Variants in SOBP observed in about 807,000 individuals in gnomAD.
SOBP encodes the protein sine oculis binding protein homolog, also known as sine oculis-binding protein homolog.
In SOBP, 4 loss-of-function variants were observed where a neutral mutation model predicts 53.6. The ratio of observed to expected loss-of-function variants is 0.07; its 90% CI spans 0.04 to 0.17. The LOEUF (loss-of-function observed/expected upper bound fraction) is 0.17. Among genes scored for constraint, SOBP ranks in the 10% least tolerant of loss-of-function variants. SOBP has a pLI of 1.00. For missense variants in SOBP, 1,088 were observed against 1,204.7 expected, an observed-to-expected ratio of 0.90 and a Z score of 1.43; for synonymous variants, 584 against 522.6, an observed-to-expected ratio of 1.12 and a Z score of -1.60.
chr6:107,545,443 G>A (rs1252064458), intron 4 of SOBP, among the ~76,000 whole-genome samples: 1 of 152,158 alleles, frequency 6.6e-6, no homozygotes, highest in Non-Finnish European at 1.5e-5. Context: ...TTCTTGTGGT[G>A]CAATGGTGTG....
At chr6:107,551,119 G>A (rs554873746) in intron 4 of SOBP, among the ~76,000 whole-genome samples, 13 of 152,216 alleles carry the variant, frequency 8.5e-5, no homozygotes, top group African/African-American at 2.9e-4. Flanking sequence ...CTCCTCCTAC[G>A]GCCGAGAAAA....
At chr6:107,574,918 G>C (rs1220542042) in intron 4 of SOBP, among the ~76,000 whole-genome samples, 2 of 152,196 alleles carry the variant, frequency 1.3e-5, no homozygotes, top group Admixed American at 6.5e-5. Flanking sequence ...ACCAGAGGGC[G>C]AGTTACCTCT....
At chr6:107,495,133 C>T (rs920112992) in intron 1 of SOBP, among the ~76,000 whole-genome samples, 4 of 152,354 alleles carry the variant, frequency 2.6e-5, no homozygotes, top group Middle Eastern at 3.4e-3. Flanking sequence ...CCCACTGTGG[C>T]ATTCACAAAT....
intron 3 of SOBP, 113 bp downstream of exon 3, chr6:107,506,540 C>A: frequency 8.5e-7 from 1 of 1,178,180 alleles, no homozygotes; most frequent in African/African-American, 1.5e-5. Context: ...GTTTTAGGGA[C>A]CTTATAGGTA....
At chr6:107,624,774 T>C (rs1195763226) in intron 5 of SOBP, among the ~76,000 whole-genome samples, 3 of 152,212 alleles carry the variant, frequency 2.0e-5, no homozygotes, top group Non-Finnish European at 4.4e-5. Context: ...ACCTGGAAGA[T>C]GACCTATGTG....
intron 1 of SOBP, among the ~76,000 whole-genome samples, chr6:107,499,421 C>G (rs1377942544): frequency 6.6e-6 from 1 of 152,118 alleles, no homozygotes; most frequent in Non-Finnish European, 1.5e-5. Context: ...TGCTATAAGA[C>G]TATTAGACAT....
chr6:107,576,514 C>G (rs1457867498), intron 4 of SOBP, among the ~76,000 whole-genome samples: 1 of 152,170 alleles, frequency 6.6e-6, no homozygotes, highest in Non-Finnish European at 1.5e-5. Context: ...GAATAAAGAC[C>G]TGAGTGGCAG....
intron 4 of SOBP, among the ~76,000 whole-genome samples, chr6:107,566,070 G>A (rs1032438996): frequency 2.0e-5 from 3 of 152,226 alleles, no homozygotes; most frequent in Non-Finnish European, 2.9e-5. Context: ...AAGGGTGAAA[G>A]GCTATGAACT....
chr6:107,635,024 C>T lies in SOBP; in HGVS notation c.2180C>T (p.Thr727Met), dbSNP rs1770955505. The change falls in exon 6 of 7, where the codon ACG (threonine) becomes ATG (methionine). Residue 727 changes from threonine (T) to methionine (M), a missense_variant. Physicochemically the swap from Thr to Met is moderately conservative, Grantham distance 81. This residue lies in a region of SOBP where 665 missense variants were observed against 629.7 expected (regional missense o/e 1.06). Transcript: ENST00000317357. This position sits in a 1 kb window ranked among gnomAD's most constrained non-coding sequence, Gnocchi z 4.5. ...AAACNVIVNG[T>M]RGAAAEGAKS... is the part of the protein sequence containing the mutation. ...GCCTGCAACGTCATCGTGAACGGCA[C>T]GCGCGGCGCCGCCGCCGAGGGCGCT... 3.9e-5 allele frequency: 48 copies of T among 1,221,038 alleles called. No homozygotes were observed. The highest frequency in any genetic ancestry group is 4.9e-5 in the Non-Finnish European group (48 of 980,234). The allele number at this position is 1,221,038 out of a possible 1,614,324, so 75.6% of individuals were successfully genotyped here.
At chr6:107,509,860 G>T (rs2281592) in intron 3 of SOBP, 62,496 of 152,050 alleles carry the variant, frequency 0.41, 16,138 homozygotes, top group Middle Eastern at 0.66. Flanking sequence ...ATTCCAGGGC[G>T]CTCATCTGTT....
intron 6 of SOBP, among the ~76,000 whole-genome samples, chr6:107,637,486 G>A (rs1771097966): frequency 6.6e-6 from 1 of 152,218 alleles, no homozygotes; most frequent in Admixed American, 6.5e-5. Flanking sequence ...GAAGACAGAT[G>A]GCCTCAGCCT....
chr6:107,573,560 T>G (rs970656805), intron 4 of SOBP, among the ~76,000 whole-genome samples: 1 of 152,192 alleles, frequency 6.6e-6, no homozygotes, highest in African/African-American at 2.4e-5. Context: ...CTTTTCTCCA[T>G]CAGTGGTGGC....
At chr6:107,533,662 C>A in intron 4 of SOBP, 52 bp downstream of exon 4, 1 of 1,608,702 alleles carries the variant, frequency 6.2e-7, no homozygotes, top group African/African-American at 1.3e-5. Context: ...CCAGCCCACA[C>A]GCGCATGTGC....
Position 107,634,616 on chromosome 6 carries a change from C to T in SOBP, c.1772C>T (p.Ser591Leu), listed in dbSNP as rs1256370413. 6.3e-7 allele frequency: 1 copy of T among 1,594,272 alleles called. No individual in the cohort carries two copies. The highest frequency in any genetic ancestry group is 1.7e-5 in the Admixed American group (1 of 59,486). ...SLSPRDSKQG[S>L]SKSADSPPGC... ...TCCCCCCGGGACTCCAAGCAGGGCT[C>T]GTCCAAGTCCGCGGACTCGCCCCCC... The change falls in exon 6 of 7, where the codon TCG (serine) becomes TTG (leucine). Residue 591 changes from serine to leucine, a missense_variant. Around this residue, in one of 6 missense-constraint regions of SOBP, gnomAD observed 665 missense variants for 629.7 expected, o/e 1.06. Coordinates refer to ENST00000317357, the MANE Select transcript of SOBP (RefSeq NM_018013.4). This position sits in a 1 kb window ranked among gnomAD's most constrained non-coding sequence, Gnocchi z 4.5.
intron 6 of SOBP, among the ~76,000 whole-genome samples, chr6:107,654,476 G>A (rs1206106276): frequency 6.6e-6 from 1 of 152,178 alleles, no homozygotes; most frequent in Non-Finnish European, 1.5e-5. Context: ...CTGAGAGAAG[G>A]AGACTTTCTG....
chr6:107,594,888 A>T (rs1484687785), intron 5 of SOBP, among the ~76,000 whole-genome samples: 1 of 152,222 alleles, frequency 6.6e-6, no homozygotes, highest in Non-Finnish European at 1.5e-5. Context: ...GCAGGCACAG[A>T]GCTAGAGCTT....
intron 4 of SOBP, among the ~76,000 whole-genome samples, chr6:107,537,010 A>G (rs1784019303): frequency 6.6e-6 from 1 of 152,188 alleles, no homozygotes; most frequent in African/African-American, 2.4e-5. Context: ...TTTTCAGGGA[A>G]CTAATAGCTC....
chr6:107,581,893 C>T lies in SOBP; in HGVS notation c.574-5187C>T, dbSNP rs557769676. Among the ~76,000 whole-genome samples, 29 of 152,188 alleles carry T rather than the reference C, an allele frequency of 1.9e-4. No homozygotes were observed. In the South Asian group the frequency reaches 3.1e-3, roughly 16 times the overall value. ...GAGCTGTTTTTGGTGTTCTTAAGTC[C>T]GGTAAAAATGCCACATGTGTGAGCT... On this transcript the variant is annotated intron_variant, in intron 4 of 6. Coordinates refer to ENST00000317357, the MANE Select transcript of SOBP (RefSeq NM_018013.4).
chr6:107,637,721 C>A (rs1175232626), intron 6 of SOBP, among the ~76,000 whole-genome samples: 2 of 152,188 alleles, frequency 1.3e-5, no homozygotes, highest in Admixed American at 1.3e-4. Context: ...TACTATTATA[C>A]CATCATTGGA....
Sources: gnomAD v4.1 joint callset for allele counts (sites outside exome capture counted in the v4.1 genomes callset) on GRCh38, gnomAD v4.1.1 for gene constraint, gnomAD v4.1.1 regional missense constraint, Gnocchi (gnomAD v3.1) non-coding constraint, MANE v1.5 for transcripts, NCBI Gene and HGNC (gene_info 2026-07-23, HGNC 2026-07-21) for gene names.